KRT39: variants seen among roughly 807,000 people sequenced by gnomAD.
KRT39 encodes the protein keratin, type I cytoskeletal 39.
Under a neutral mutation model 54.8 loss-of-function variants are expected in KRT39, and 47 were observed. The observed-to-expected ratio is 0.86, with a 90% CI of 0.68 to 1.09. The LOEUF (loss-of-function observed/expected upper bound fraction) is 1.09. Ranked by LOEUF, KRT39 falls within the 50% of genes least tolerant of loss-of-function variation. The probability of loss-of-function intolerance (pLI) is 0.00; values close to 1 mark genes in which losing one functional copy is unlikely to be tolerated. For synonymous variants in KRT39, 207 were observed against 227.9 expected (o/e 0.91, Z 0.83); for missense variants, 580 against 598.5 (o/e 0.97, Z 0.32).
Position 40,966,790 on chromosome 17 carries a change from T to C in KRT39, c.67A>G (p.Thr23Ala), listed in dbSNP as rs756990199. 6 of 1,614,226 alleles carry C rather than the reference T, an allele frequency of 3.7e-6. No homozygotes were observed. The highest frequency in any genetic ancestry group is 2.2e-5 in the East Asian group (1 of 44,886). The change falls in exon 1 of 7, where the codon ACA becomes GCA. Residue 23 changes from threonine to alanine, a missense_variant. Transcript: ENST00000355612. Reference protein sequence around the residue: ...STPCQNCSRITNVSTISSNNG... With the variant: ...STPCQNCSRIANVSTISSNNG... ...TTAGAAGAGATGGTACTAACATTTG[T>C]AATCCTAGAGCAGTTTTGACATGGG...
Position 40,966,430 on chromosome 17 carries a change from A to T in KRT39, c.427T>A (p.Tyr143Asn), listed in dbSNP as rs1338364755. ...NKELPVLCPD[Y>N]LSYYTTIEEL... ...TCAATGGTAGTGTAGTAAGACAGGT[A>T]ATCAGGACATAGAACAGGGAGCTCT... The change falls in exon 1 of 7, where the codon TAC (tyrosine) becomes AAC (asparagine). Residue 143 changes from tyrosine (Y) to asparagine (N), a missense_variant. Tyr to Asn is a moderately radical substitution (Grantham distance 143). Coordinates refer to ENST00000355612, the MANE Select transcript of KRT39 (RefSeq NM_213656.4). 6.2e-7 allele frequency: 1 copy of T among 1,614,134 alleles called. No homozygotes were observed. The highest frequency in any genetic ancestry group is 1.7e-5 in the Admixed American group (1 of 60,028).
chr17:40,965,092 T>TA (rs1488771287), intron 1 of KRT39, among the ~76,000 whole-genome samples: 1 of 150,752 alleles, frequency 6.6e-6, no homozygotes, highest in Admixed American at 6.6e-5. Flanking sequence ...TAGTCCCAGC[T>TA]ACTTGGGAGG....
In KRT39 at chr17:40,962,204, A is replaced by G. The variant is rs760523341; in HGVS notation, c.954T>C (p.Ser318=). The stretch of plus-strand genomic sequence containing the variant: ...GCAGTTCAACCTCCAGAGTGTTCAC[A>G]CTGCGTCTCAGTTCTATGATCTCCT... The part of the protein sequence containing the change: ...CQKEIIELRR[S]VNTLEVELQA... The change falls in exon 5 of 7, where the codon AGT becomes AGC. Residue 318 remains serine, a synonymous_variant. Transcript: ENST00000355612. The G allele has an allele frequency of 5.0e-6, 8 of 1,614,214 alleles. No individual in the cohort carries two copies. The highest frequency in any genetic ancestry group is 1.1e-5 in the South Asian group (1 of 91,084).
In KRT39 at chr17:40,966,879, G is replaced by GC; in HGVS notation, c.-24_-23insG. On this transcript the variant is annotated 5_prime_UTR_variant, in exon 1 of 7. Coordinates refer to ENST00000355612, the MANE Select transcript of KRT39 (RefSeq NM_213656.4). ...CATAGTATGTGTCTGGCTTTAGTTT[G>GC]TTCCAGGTCTGTGGTCACCAGGATG... The GC allele has an allele frequency of 6.4e-7, 1 of 1,552,770 alleles. No homozygotes were observed. Among genetic ancestry groups the GC allele is most frequent in the Non-Finnish European group, 8.9e-7 (1 of 1,126,476 alleles).
At position 40,966,925 on chromosome 17, in the gene KRT39, CAG is replaced by C; in HGVS notation, c.-71_-70del. 1 of 1,113,106 alleles carries C rather than the reference CAG, an allele frequency of 9.0e-7. No homozygotes were observed. Among genetic ancestry groups the C allele is most frequent in the South Asian group, 1.3e-5 (1 of 74,232 alleles). The allele number at this position is 1,113,106 out of a possible 1,614,324, so 69.0% of individuals were successfully genotyped here. On this transcript the variant is annotated 5_prime_UTR_variant, in exon 1 of 7. Transcript: ENST00000355612. Reference sequence around the variant, plus strand: ...GGATGAAAAGCTCAAGCCACCTCCACAGAGTCTGAATTCCAAGGCTCTTGGTG... The same window carrying C: ...GGATGAAAAGCTCAAGCCACCTCCACAGTCTGAATTCCAAGGCTCTTGGTG...
Position 40,960,485 on chromosome 17 carries a change from C to T in KRT39, c.1013G>A (p.Cys338Tyr), listed in dbSNP as rs1361245089. ...AQHRMRDSQE[C>Y]ILTETEARYT... is the part of the protein sequence containing the mutation. ...GCGAGCCTCTGTCTCCGTTAGGATG[C>T]ACTCTTGGGAATCTCTCTACCATGG... Residue 338 changes from cysteine (C) to tyrosine (Y), a missense_variant, in exon 6 of 7, where the codon TGC (cysteine) becomes TAC (tyrosine). Coordinates refer to ENST00000355612, the MANE Select transcript of KRT39 (RefSeq NM_213656.4). 10 of 1,613,628 alleles carry T rather than the reference C, an allele frequency of 6.2e-6. No homozygotes were observed. The highest frequency in any genetic ancestry group is 8.5e-6 in the Non-Finnish European group (10 of 1,179,704).
chr17:40,966,873 T>C lies in KRT39; in HGVS notation c.-17A>G, dbSNP rs764457685. 20 of 1,548,784 alleles carry C rather than the reference T, an allele frequency of 1.3e-5. No homozygotes were observed. The highest frequency in any genetic ancestry group is 1.7e-5 in the Non-Finnish European group (20 of 1,145,942). ...GGTGTCCATAGTATGTGTCTGGCTT[T>C]AGTTTGTTCCAGGTCTGTGGTCACC... On this transcript the variant is annotated 5_prime_UTR_variant, in exon 1 of 7. Coordinates refer to ENST00000355612, the MANE Select transcript of KRT39 (RefSeq NM_213656.4).
At position 40,966,861 on chromosome 17, in the gene KRT39, T is replaced by C. The variant is rs138479584; in HGVS notation, c.-5A>G. The C allele has an allele frequency of 5.4e-5, 85 of 1,577,692 alleles. No individual in the cohort carries two copies. The highest frequency in any genetic ancestry group is 7.0e-5 in the Non-Finnish European group (82 of 1,163,386). ...TGTACAGCCCTTGGTGTCCATAGTA[T>C]GTGTCTGGCTTTAGTTTGTTCCAGG... On this transcript the variant is annotated 5_prime_UTR_variant, in exon 1 of 7. Transcript: ENST00000355612.
intron 3 of KRT39, 126 bp downstream of exon 3, chr17:40,963,501 T>C: frequency 1.2e-6 from 1 of 813,176 alleles, no homozygotes; most frequent in Non-Finnish European, 1.9e-6. Context: ...CTCTCAGTTA[T>C]TTCTTTATAG....
chr17:40,965,847 T>A (rs193024479), intron 1 of KRT39, among the ~76,000 whole-genome samples: 364 of 152,300 alleles, frequency 2.4e-3, no homozygotes, highest in Non-Finnish European at 4.2e-3. Context: ...AATGGTAGAG[T>A]GTATTTCTGG....
rs1047749522 is a variant in KRT39, at chr17:40,966,785, A to G, written c.72T>C (p.Asn24=). The stretch of plus-strand genomic sequence containing the variant: ...CGTTGTTAGAAGAGATGGTACTAAC[A>G]TTTGTAATCCTAGAGCAGTTTTGAC... ...TPCQNCSRIT[N]VSTISSNNGC... Residue 24 remains asparagine (N), a synonymous_variant, in exon 1 of 7, where the codon AAT becomes AAC. Coordinates refer to ENST00000355612, the MANE Select transcript of KRT39 (RefSeq NM_213656.4). 2 of 1,614,094 alleles carry G rather than the reference A, an allele frequency of 1.2e-6. No homozygotes were observed. The highest frequency in any genetic ancestry group is 1.7e-6 in the Non-Finnish European group (2 of 1,180,034).
chr17:40,966,122 A>C (rs1327196445), intron 1 of KRT39, among the ~76,000 whole-genome samples: 1 of 151,348 alleles, frequency 6.6e-6, no homozygotes, highest in African/African-American at 2.4e-5. Flanking sequence ...GTTGCCCAGG[A>C]TGGTCTAGAA....
At chr17:40,964,770 T>TAAAA (rs1567836195) in intron 1 of KRT39, among the ~76,000 whole-genome samples, 1 of 151,724 alleles carries the variant, frequency 6.6e-6, no homozygotes, top group Non-Finnish European at 1.5e-5. Flanking sequence ...GTTGTTGTTG[T>TAAAA]TAAAAAATCC....
In KRT39 at chr17:40,960,267, G is replaced by A. The variant is rs1319528955; in HGVS notation, c.1217+14C>T. 1.2e-6 allele frequency: 2 copies of A among 1,605,716 alleles called. No individual in the cohort carries two copies. The highest frequency in any genetic ancestry group is 1.1e-5 in the South Asian group (1 of 90,990). On this transcript the variant is annotated intron_variant, in intron 6 of 6. Coordinates refer to ENST00000355612, the MANE Select transcript of KRT39 (RefSeq NM_213656.4). Reference sequence around the variant, plus strand: ...ACACTTTTTTGTCATAGAAGTTGCTGTTATTTTACATACTTGCCATCCGAG... The same window carrying A: ...ACACTTTTTTGTCATAGAAGTTGCTATTATTTTACATACTTGCCATCCGAG...
chr17:40,964,246 A>G (rs1911269540), intron 2 of KRT39, 200 bp downstream of exon 2: 1 of 570,954 alleles, frequency 1.8e-6, no homozygotes, highest in Non-Finnish European at 3.1e-6. Context: ...ATGGGTTCAC[A>G]AGTTAGAAAC....
chr17:40,963,760 C>T lies in KRT39; in HGVS notation c.575G>A (p.Arg192His), dbSNP rs948174166. The T allele has an allele frequency of 1.0e-5, 16 of 1,592,712 alleles. No individual in the cohort carries two copies. The highest frequency in any genetic ancestry group is 8.0e-5 in the African/African-American group (6 of 74,576). Residue 192 changes from arginine to histidine, a missense_variant, in exon 3 of 7, where the codon CGC becomes CAC. Coordinates refer to ENST00000355612, the MANE Select transcript of KRT39 (RefSeq NM_213656.4). ...ATTGGCATCTGACTCTACCAGCTGG[C>T]GTAGAGACACCTCAGCTTCGTATCT... ...RAKYEAEVSL[R>H]QLVESDANGL...
Position 40,966,789 on chromosome 17 carries a change from G to A in KRT39, c.68C>T (p.Thr23Ile), listed in dbSNP as rs1911420517. 1 of 1,614,202 alleles carries A rather than the reference G, an allele frequency of 6.2e-7. No individual in the cohort carries two copies. Among genetic ancestry groups the A allele is most frequent in the Non-Finnish European group, 8.5e-7 (1 of 1,180,028 alleles). Reference protein sequence around the residue: ...STPCQNCSRITNVSTISSNNG... With the variant: ...STPCQNCSRIINVSTISSNNG... Reference sequence around the variant, plus strand: ...GTTAGAAGAGATGGTACTAACATTTGTAATCCTAGAGCAGTTTTGACATGG... The same window carrying A: ...GTTAGAAGAGATGGTACTAACATTTATAATCCTAGAGCAGTTTTGACATGG... Residue 23 changes from threonine to isoleucine, a missense_variant, in exon 1 of 7, where the codon ACA (threonine) becomes ATA (isoleucine). Transcript: ENST00000355612.
At chr17:40,963,538 G>T in intron 3 of KRT39, 89 bp downstream of exon 3, 1 of 1,238,622 alleles carries the variant, frequency 8.1e-7, no homozygotes, top group South Asian at 1.7e-5. Context: ...TAATACAAGC[G>T]GGCACACCCT....
intron 6 of KRT39, among the ~76,000 whole-genome samples, chr17:40,959,375 A>G (rs1911043042): frequency 6.6e-6 from 1 of 152,236 alleles, no homozygotes; most frequent in African/African-American, 2.4e-5. Context: ...AACCCCAGCT[A>G]TGAAAGAGTC....
Sources: allele counts gnomAD v4.1 joint callset (sites outside exome capture counted in the v4.1 genomes callset), GRCh38; gene constraint gnomAD v4.1.1; transcripts MANE v1.5; gene names NCBI Gene and HGNC (gene_info 2026-07-23, HGNC 2026-07-21).